Variants in NLN observed in about 807,000 individuals in gnomAD.
NLN encodes neurolysin, also known as neurolysin, mitochondrial.
Under a neutral mutation model 79.9 loss-of-function variants are expected in NLN, and 64 were observed. The observed-to-expected ratio is 0.80, with a 90% CI of 0.65 to 0.99. The LOEUF (loss-of-function observed/expected upper bound fraction) is 0.99, where lower values mean the gene tolerates loss of function less well. Among genes scored for constraint, NLN ranks in the 50% least tolerant of loss-of-function variants. The probability of loss-of-function intolerance (pLI) is 0.00; values close to 1 mark genes in which losing one functional copy is unlikely to be tolerated. For missense variants in NLN, 835 were observed against 858.7 expected, an observed-to-expected ratio of 0.97 and a Z score of 0.34; for synonymous variants, 267 against 296.6, an observed-to-expected ratio of 0.90 and a Z score of 1.02.
intron 2 of NLN, among the ~76,000 whole-genome samples, chr5:65,762,651 T>C (rs540643728): frequency 6.6e-5 from 10 of 151,280 alleles, no homozygotes; most frequent in South Asian, 6.3e-4. Flanking sequence ...TGTAGTGAGC[T>C]GTGATTGCAC....
At chr5:65,747,230 C>G (rs1226384362) in intron 1 of NLN, among the ~76,000 whole-genome samples, 2 of 151,996 alleles carry the variant, frequency 1.3e-5, no homozygotes, top group Non-Finnish European at 2.9e-5. Flanking sequence ...GTAATGTAGG[C>G]AGCAAGGTCA....
At chr5:65,810,923 G>A (rs186326387) in intron 11 of NLN, among the ~76,000 whole-genome samples, 13 of 152,230 alleles carry the variant, frequency 8.5e-5, no homozygotes, top group East Asian at 3.9e-4. Flanking sequence ...AGCCTGCAGC[G>A]AGCCATGATT....
At chr5:65,813,419 T>G (rs1760598970) in intron 12 of NLN, among the ~76,000 whole-genome samples, 2 of 152,088 alleles carry the variant, frequency 1.3e-5, no homozygotes, top group South Asian at 4.1e-4. Context: ...CCTTAATGCC[T>G]CCACCATAGA....
At chr5:65,755,316 T>C (rs1759195247) in intron 1 of NLN, among the ~76,000 whole-genome samples, 1 of 152,216 alleles carries the variant, frequency 6.6e-6, no homozygotes, top group African/African-American at 2.4e-5. Context: ...TTGCTAACTG[T>C]AAATGATTTG....
intron 9 of NLN, among the ~76,000 whole-genome samples, chr5:65,806,173 ATGT>A (rs1433785852): frequency 1.3e-5 from 2 of 152,240 alleles, no homozygotes; most frequent in Non-Finnish European, 2.9e-5. Context: ...CCAGAAGATT[ATGT>A]TGTTTTCATG....
chr5:65,722,405 G>T lies in NLN; in HGVS notation c.32G>T (p.Ser11Ile). 6.3e-7 allele frequency: 1 copy of T among 1,590,640 alleles called. No homozygotes were observed. Among genetic ancestry groups the T allele is most frequent in the Non-Finnish European group, 8.5e-7 (1 of 1,169,982 alleles). Residue 11 changes from serine (S) to isoleucine (I), a missense_variant, in exon 1 of 13, where the codon AGC becomes ATC. Physicochemically the swap from Ser to Ile is moderately radical, Grantham distance 142. Transcript: ENST00000380985. ...GCCCGGTGCCTTTTGGCTGTGCGAA[G>T]CCTCCGCAGGTACCTCCAGCGCGCG... The part of the protein sequence containing the change: MIARCLLAVR[S>I]LRRVGGSRIL...
intron 9 of NLN, among the ~76,000 whole-genome samples, chr5:65,800,032 T>C (rs2150768456): frequency 6.6e-6 from 1 of 152,354 alleles, no homozygotes; most frequent in East Asian, 1.9e-4. Context: ...CTGGATCACC[T>C]CAGACAGCCA....
At chr5:65,793,561 G>GTTCA (rs1760110935) in intron 9 of NLN, 1 of 151,852 alleles carries the variant, frequency 6.6e-6, no homozygotes, top group South Asian at 2.1e-4. Flanking sequence ...GAGTTCAGGA[G>GTTCA]GTTGAGGTTG....
chr5:65,731,864 C>T (rs1304071956), intron 1 of NLN, among the ~76,000 whole-genome samples: 3 of 150,778 alleles, frequency 2.0e-5, no homozygotes, highest in Non-Finnish European at 4.4e-5. Context: ...AGTCCTCCCA[C>T]GTCAGCCTTC....
At chr5:65,786,305 C>CA (rs1372114097) in intron 7 of NLN, among the ~76,000 whole-genome samples, 1 of 151,648 alleles carries the variant, frequency 6.6e-6, no homozygotes, top group Admixed American at 6.6e-5. Flanking sequence ...CATACATAAA[C>CA]AAAAAACATT....
intron 3 of NLN, among the ~76,000 whole-genome samples, chr5:65,767,560 G>A (rs1388723612): frequency 2.6e-5 from 4 of 152,156 alleles, no homozygotes; most frequent in Non-Finnish European, 5.9e-5. Flanking sequence ...GACATGCCCT[G>A]GGGACATTTT....
In NLN at chr5:65,809,701, G is replaced by A. The variant is rs762379209; in HGVS notation, c.1714G>A (p.Gly572Ser). The stretch of plus-strand genomic sequence containing the variant: ...TGTTGCTTCTAGGCTGGTCAACACA[G>A]GTATGACTTCTAATTTTAAAAAGGA... ...KLVASRLVNT[G>S]LLTLRQIVLS... Residue 572 changes from glycine to serine, a missense_variant and splice_region_variant, in exon 10 of 13, where the codon GGT (glycine) becomes AGT (serine). Transcript: ENST00000380985. 14 of 1,565,830 alleles carry A rather than the reference G, an allele frequency of 8.9e-6. No individual in the cohort carries two copies. The highest frequency in any genetic ancestry group is 2.8e-5 in the African/African-American group (2 of 72,344).
intron 9 of NLN, among the ~76,000 whole-genome samples, chr5:65,800,562 C>G (rs190115906): frequency 6.6e-6 from 1 of 152,068 alleles, no homozygotes; most frequent in Non-Finnish European, 1.5e-5. Context: ...GTAGCCCCAG[C>G]TACTCGGGAG....
intron 9 of NLN, among the ~76,000 whole-genome samples, chr5:65,804,047 C>T (rs1671543675): frequency 6.6e-6 from 1 of 152,210 alleles, no homozygotes; most frequent in African/African-American, 2.4e-5. Flanking sequence ...ACACTGAAAA[C>T]TCACTTTAAC....
chr5:65,741,190 G>A (rs570015988), intron 1 of NLN, among the ~76,000 whole-genome samples: 2 of 152,136 alleles, frequency 1.3e-5, no homozygotes, highest in Non-Finnish European at 2.9e-5. Context: ...AAGTTTTGAA[G>A]TGAGGTAGTA....
chr5:65,821,944 A>G (rs937743042), intron 12 of NLN, among the ~76,000 whole-genome samples: 1 of 152,224 alleles, frequency 6.6e-6, no homozygotes, highest in African/African-American at 2.4e-5. Flanking sequence ...TTCTTGTACT[A>G]AGTCCTTTTG....
chr5:65,819,018 G>C (rs1760734601), intron 12 of NLN: 1 of 152,166 alleles, frequency 6.6e-6, no homozygotes, highest in African/African-American at 2.4e-5. Context: ...TTACCTGAAA[G>C]GGTGCATATT....
rs377453304 is a variant in NLN at position 65,763,017 on chromosome 5, C to A, written c.359C>A (p.Ala120Glu). 1.6e-5 allele frequency: 26 copies of A among 1,613,732 alleles called. No homozygotes were observed. The highest frequency in any genetic ancestry group is 1.3e-4 in the East Asian group (6 of 44,864). Reference sequence around the variant, plus strand: ...GTATCCTCTGACAAAGAAGTACGAGCAGCAAGTACAGAAGCAGACAAAAGA... The same window carrying A: ...GTATCCTCTGACAAAGAAGTACGAGAAGCAAGTACAGAAGCAGACAAAAGA... The part of the protein sequence containing the change: ...QHVSSDKEVR[A>E]ASTEADKRLS... The change falls in exon 3 of 13, where the codon GCA (alanine) becomes GAA (glutamate). Residue 120 changes from alanine (A) to glutamate (E), a missense_variant. By Grantham distance (107) the Ala-to-Glu change is moderately radical (BLOSUM62 -1). Transcript: ENST00000380985.
intron 9 of NLN, among the ~76,000 whole-genome samples, chr5:65,802,070 C>T (rs554654712): frequency 6.6e-5 from 10 of 152,302 alleles, no homozygotes; most frequent in East Asian, 1.9e-4. Flanking sequence ...AGTAGTGTCA[C>T]GGGATCCTTG....
Sources: allele counts gnomAD v4.1 joint callset (sites outside exome capture counted in the v4.1 genomes callset), GRCh38; gene constraint gnomAD v4.1.1; transcripts MANE v1.5; gene names NCBI Gene and HGNC (gene_info 2026-07-23, HGNC 2026-07-21).